JRK: variants seen among roughly 807,000 people sequenced by gnomAD.
JRK encodes Jrk helix-turn-helix protein.
For missense variants in JRK, 720 were observed against 509.2 expected (o/e 1.41, Z -3.98); for synonymous variants, 303 against 218.1 (o/e 1.39, Z -3.43).
At chr8:142,668,819 G>A (rs952761222) in intron 1 of JRK, among the ~76,000 whole-genome samples, 2 of 151,584 alleles carry the variant, frequency 1.3e-5, no homozygotes, top group Admixed American at 6.6e-5. Context: ...ACACCTGCAC[G>A]TCAGGCATGG....
chr8:142,655,072 T>G (rs1400422502), downstream of JRK, among the ~76,000 whole-genome samples: 2 of 152,128 alleles, frequency 1.3e-5, no homozygotes, highest in Admixed American at 1.3e-4. Context: ...GGGGCTGCCC[T>G]CAGGTGACCA....
At position 142,665,302 on chromosome 8, in the gene JRK, C is replaced by A; in HGVS notation, c.757G>T (p.Ala253Ser). ...AFKGIQHLPV[A>S]YKAQGNAWVD... ...CAGGCGTTCCCCTGGGCCTTATAGG[C>A]GACGGGCAGGTGCTGGATGCCTTTG... Residue 253 changes from alanine to serine, a missense_variant, in exon 2 of 2, where the codon GCC becomes TCC. Coordinates refer to ENST00000612905, the MANE Select transcript of JRK (RefSeq NM_003724.4). 1 of 717,742 alleles carries A rather than the reference C, an allele frequency of 1.4e-6. No homozygotes were observed. Among genetic ancestry groups the A allele is most frequent in the Admixed American group, 2.0e-5 (1 of 50,020 alleles). 44.5% of individuals were successfully genotyped at this position (717,742 alleles called of 1,614,324 possible). A position where few individuals can be genotyped will look rare whatever the true frequency, so the allele number is the denominator to read the frequency against.
the JRK span, among the ~76,000 whole-genome samples, chr8:142,651,086 G>T: frequency 1.3e-5 from 2 of 151,882 alleles, no homozygotes. Flanking sequence ...AGAGACAGCA[G>T]AAGTAAATGA....
Position 142,664,687 on chromosome 8 carries a change from G to A in JRK, c.1372C>T (p.Pro458Ser). 6.2e-7 allele frequency: 1 copy of A among 1,610,506 alleles called. No individual in the cohort carries two copies. The highest frequency in any genetic ancestry group is 8.5e-7 in the Non-Finnish European group (1 of 1,178,794). ...TCTGAACTCCACACAACCTCTGCTG[G>A]CGACGTGGCAGCAGGGGGCCGTCCC... The part of the protein sequence containing the change: ...EGGRPPAATS[P>S]AEVVWSSEKT... The change falls in exon 2 of 2, where the codon CCA (proline) becomes TCA (serine). Residue 458 changes from proline to serine, a missense_variant. Pro to Ser is a moderately conservative substitution (Grantham distance 74, BLOSUM62 -1). Coordinates refer to ENST00000612905, the MANE Select transcript of JRK (RefSeq NM_003724.4).
In JRK at chr8:142,658,748, T is replaced by C; in HGVS notation, c.*5604A>G. The C allele has an allele frequency of 6.7e-7, 1 of 1,502,508 alleles. No individual in the cohort carries two copies. Among genetic ancestry groups the C allele is most frequent in the South Asian group, 1.3e-5 (1 of 78,018 alleles). 93.1% of individuals were successfully genotyped at this position (1,502,508 alleles called of 1,614,324 possible). ...AAACATGCAGTCCTTAACACCATCG[T>C]CATGGAGATGGAGGCCACAGACCTA... On this transcript the variant is annotated 3_prime_UTR_variant, in exon 2 of 2. Transcript: ENST00000612905.
At position 142,661,915 on chromosome 8, in the gene JRK, AG is replaced by A; in HGVS notation, c.*2436del. 1 of 985,594 alleles carries A rather than the reference AG, an allele frequency of 1.0e-6. No homozygotes were observed. Among genetic ancestry groups the A allele is most frequent in the Non-Finnish European group, 1.2e-6 (1 of 830,038 alleles). The allele number at this position is 985,594 out of a possible 1,614,324, so 61.1% of individuals were successfully genotyped here. ...CGTTCTGGGGGACAGGACCGAGGCA[AG>A]AGGTATGCACCAGGCAGCTGGGCCC... On this transcript the variant is annotated 3_prime_UTR_variant, in exon 2 of 2. Transcript: ENST00000612905.
At chr8:142,652,142 C>T in the JRK span, among the ~76,000 whole-genome samples, 5 of 152,146 alleles carry the variant, frequency 3.3e-5, no homozygotes, top group African/African-American at 1.2e-4. Flanking sequence ...ATAAAGATAA[C>T]TCAAGCTGGT....
Position 142,659,492 on chromosome 8 carries a change from T to C in JRK, c.*4860A>G, listed in dbSNP as rs1554634230. ...TGTGGAAATGGCCGTGCTGACAGGC[T>C]CTCTGCGATAGGGCCCAGCCATGGC... On this transcript the variant is annotated 3_prime_UTR_variant, in exon 2 of 2. Transcript: ENST00000612905. 5.1e-6 allele frequency: 5 copies of C among 986,350 alleles called. No individual in the cohort carries two copies. Among genetic ancestry groups the C allele is most frequent in the Non-Finnish European group, 6.0e-6 (5 of 830,536 alleles). 61.1% of individuals were successfully genotyped at this position (986,350 alleles called of 1,614,324 possible).
the JRK span, among the ~76,000 whole-genome samples, chr8:142,648,382 A>T: frequency 6.6e-6 from 1 of 152,172 alleles, no homozygotes; most frequent in East Asian, 1.9e-4. Context: ...TAGGGGAAAA[A>T]GTGGTTTCAT....
At position 142,664,924 on chromosome 8, in the gene JRK, T is replaced by G; in HGVS notation, c.1135A>C (p.Arg379=). Residue 379 remains arginine (R), a synonymous_variant, in exon 2 of 2, where the codon AGG becomes CGG. Transcript: ENST00000612905. ...GGCCACAGCTTCCTCCAGGCCCGCC[T>G]GAAGACGTGGCTAGGGACTGCGTTC... ...AWNAVPSHVF[R]RAWRKLWPSV... The G allele has an allele frequency of 1.1e-6, 1 of 924,228 alleles. No individual in the cohort carries two copies. The highest frequency in any genetic ancestry group is 1.8e-6 in the Non-Finnish European group (1 of 556,098). 57.3% of individuals were successfully genotyped at this position (924,228 alleles called of 1,614,324 possible). A position where few individuals can be genotyped will look rare whatever the true frequency, so the allele number is the denominator to read the frequency against.
At chr8:142,654,745 A>G (rs34875149), downstream of JRK, among the ~76,000 whole-genome samples, 89,851 of 150,888 alleles carry the variant, frequency 0.6, 27,984 homozygotes, top group Admixed American at 0.69. Context: ...CCAAGCCCCC[A>G]GCCACTCCCC....
At chr8:142,649,340 C>A in the JRK span, among the ~76,000 whole-genome samples, 1 of 152,154 alleles carries the variant, frequency 6.6e-6, no homozygotes, top group East Asian at 1.9e-4. Flanking sequence ...TGAATTCCCA[C>A]GTGTTGTGGG....
In JRK at chr8:142,659,529, C is replaced by T; in HGVS notation, c.*4823G>A. The T allele has an allele frequency of 2.0e-6, 2 of 985,740 alleles. No homozygotes were observed. Among genetic ancestry groups the T allele is most frequent in the South Asian group, 9.4e-5 (2 of 21,288 alleles). The allele number at this position is 985,740 out of a possible 1,614,324, so 61.1% of individuals were successfully genotyped here. On this transcript the variant is annotated 3_prime_UTR_variant, in exon 2 of 2. Transcript: ENST00000612905. ...GGCCCAGCCATGGCCAGTGGGCCTC[C>T]CACAATCTGCCCCTGGGTGCAGGGC...
At chr8:142,667,928 G>C (rs1323517161) in intron 1 of JRK, among the ~76,000 whole-genome samples, 1 of 152,228 alleles carries the variant, frequency 6.6e-6, no homozygotes, top group Non-Finnish European at 1.5e-5. Flanking sequence ...GCGCACCCCT[G>C]TGAGGCCAGG....
chr8:142,669,319 G>A (rs1014442079), intron 1 of JRK, among the ~76,000 whole-genome samples: 1 of 152,086 alleles, frequency 6.6e-6, no homozygotes, highest in East Asian at 1.9e-4. Flanking sequence ...GGACAGAGAA[G>A]GAGGGGACAG....
downstream of JRK, among the ~76,000 whole-genome samples, chr8:142,656,377 G>C (rs587716890): frequency 6.6e-6 from 1 of 152,264 alleles, no homozygotes; most frequent in Admixed American, 6.5e-5. Flanking sequence ...CAGTCACCCT[G>C]GATGACAGTG....
chr8:142,663,921 G>A lies in JRK; in HGVS notation c.*431C>T. ...GATAGAGCCTTCTGAGACGAAGCCT[G>A]TCCAGGGGCGGTGGGCATGGCCTCC... On this transcript the variant is annotated 3_prime_UTR_variant, in exon 2 of 2. Transcript: ENST00000612905. 1 of 998,434 alleles carries A rather than the reference G, an allele frequency of 1.0e-6. No homozygotes were observed. Among genetic ancestry groups the A allele is most frequent in the Non-Finnish European group, 1.2e-6 (1 of 839,070 alleles). The allele number at this position is 998,434 out of a possible 1,614,324, so 61.8% of individuals were successfully genotyped here.
chr8:142,663,676 GCCC>G lies in JRK; in HGVS notation c.*673_*675del, dbSNP rs1211767576. On this transcript the variant is annotated 3_prime_UTR_variant, in exon 2 of 2. Transcript: ENST00000612905. ...CTCTACCAAGTCAACTCTCCGTGGG[GCCC>G]CCCAACATCTTGGGGCCAGAGCCCA... 40 of 985,310 alleles carry G rather than the reference GCCC, an allele frequency of 4.1e-5. No individual in the cohort carries two copies. Among genetic ancestry groups the G allele is most frequent in the Non-Finnish European group, 4.7e-5 (39 of 829,936 alleles). 61.0% of individuals were successfully genotyped at this position (985,310 alleles called of 1,614,324 possible).
At position 142,660,331 on chromosome 8, in the gene JRK, T is replaced by G; in HGVS notation, c.*4021A>C. On this transcript the variant is annotated 3_prime_UTR_variant, in exon 2 of 2. Coordinates refer to ENST00000612905, the MANE Select transcript of JRK (RefSeq NM_003724.4). ...TGCCACACCCACCAGCCCATGACTG[T>G]CCACATCCTGACCCCTACCTACCTC... The G allele has an allele frequency of 1.0e-6, 1 of 985,582 alleles. No homozygotes were observed. Among genetic ancestry groups the G allele is most frequent in the Non-Finnish European group, 1.2e-6 (1 of 830,022 alleles). 61.1% of individuals were successfully genotyped at this position (985,582 alleles called of 1,614,324 possible).
Sources: allele counts gnomAD v4.1 joint callset (sites outside exome capture counted in the v4.1 genomes callset), GRCh38; gene constraint gnomAD v4.1.1; transcripts MANE v1.5; gene names NCBI Gene and HGNC (gene_info 2026-07-23, HGNC 2026-07-21).